SLC13A3: variants seen among roughly 807,000 people sequenced by gnomAD.
SLC13A3 encodes solute carrier family 13 member 3, also known as Na(+)/dicarboxylate cotransporter 3.
A neutral mutation model predicts 59.0 loss-of-function variants in SLC13A3; 40 were observed. That is an observed-to-expected ratio of 0.68 (90% CI 0.53 to 0.88). SLC13A3 has a LOEUF of 0.88. Ranked by LOEUF, SLC13A3 falls within the 40% of genes least tolerant of loss-of-function variation. SLC13A3 has a pLI of 0.00. For missense variants in SLC13A3, 699 were observed against 783.2 expected, an observed-to-expected ratio of 0.89 and a Z score of 1.28; for synonymous variants, 317 against 330.3, an observed-to-expected ratio of 0.96 and a Z score of 0.44.
At chr20:46,562,076 C>T (rs185064092) in intron 12 of SLC13A3, among the ~76,000 whole-genome samples, 35 of 152,250 alleles carry the variant, frequency 2.3e-4, no homozygotes, top group Admixed American at 2.3e-3. Context: ...GTTTGCATTG[C>T]TGCCCTCTCA....
intron 9 of SLC13A3, among the ~76,000 whole-genome samples, chr20:46,580,301 A>C (rs1299153303): frequency 1.3e-5 from 2 of 152,046 alleles, no homozygotes; most frequent in Admixed American, 6.6e-5. Flanking sequence ...CCTTTGTATA[A>C]TAAGGAAACT....
chr20:46,616,546 G>C (rs557895218), intron 1 of SLC13A3, among the ~76,000 whole-genome samples: 60 of 152,274 alleles, frequency 3.9e-4, no homozygotes, highest in African/African-American at 1.3e-3. Context: ...GAACCCCAAA[G>C]CTCCCCCAAC....
chr20:46,649,161 A>G (rs1291472857), intron 1 of SLC13A3, among the ~76,000 whole-genome samples: 1 of 152,138 alleles, frequency 6.6e-6, no homozygotes, highest in African/African-American at 2.4e-5. Context: ...ACATGGTAAG[A>G]GCTAAGCACT....
In SLC13A3 at chr20:46,679,726, G is replaced by A. The variant is rs114874611; in HGVS notation, c.-31+4670C>T. Among the ~76,000 whole-genome samples, 1,446 of 152,220 alleles carry A rather than the reference G, an allele frequency of 9.5e-3. 23 individuals carry two copies. Among genetic ancestry groups the A allele is most frequent in the African/African-American group, 0.033 (1,366 of 41,528 alleles). On this transcript the variant is annotated intron_variant, in intron 1 of 6. Coordinates refer to the SLC13A3 transcript ENST00000372121. ...CTTTGAGACCAGCTTGGCCAATATG[G>A]TGATATCCCCGTCTTCACTAAAAAT...
chr20:46,651,065 A>T (rs1200571842), intron 1 of SLC13A3, among the ~76,000 whole-genome samples: 2 of 152,130 alleles, frequency 1.3e-5, no homozygotes, highest in Non-Finnish European at 2.9e-5. Context: ...AACGAAACGA[A>T]ATTATTCCCA....
chr20:46,600,020 C>T lies in SLC13A3; in HGVS notation c.559G>A (p.Gly187Ser), dbSNP rs757716165. 5 of 1,574,132 alleles carry T rather than the reference C, an allele frequency of 3.2e-6. No individual in the cohort carries two copies. The highest frequency in any genetic ancestry group is 1.2e-5 in the South Asian group (1 of 86,032). Residue 187 changes from glycine to serine, a missense_variant, in exon 4 of 13, where the codon GGC becomes AGC. Coordinates refer to ENST00000279027, the MANE Select transcript of SLC13A3 (RefSeq NM_022829.6). ...ATCTCCGTGGGCACAGTGTGTAGGC[C>T]GTTTCTCCGCACAGCAGCTAGGAGG... Reference protein sequence around the residue: ...EENTAAVRRNGLHTVPTEMQF... With the variant: ...EENTAAVRRNSLHTVPTEMQF...
chr20:46,568,699 C>T (rs1052031275), intron 10 of SLC13A3, among the ~76,000 whole-genome samples: 12 of 152,126 alleles, frequency 7.9e-5, no homozygotes, highest in African/African-American at 2.9e-4. Context: ...TCCCATAGGC[C>T]ACAGCTCTGG....
At chr20:46,640,544 C>T (rs73115522) in intron 1 of SLC13A3, among the ~76,000 whole-genome samples, 1,561 of 152,268 alleles carry the variant, frequency 0.01, 19 homozygotes, top group Non-Finnish European at 0.013. Flanking sequence ...CAGATAATAG[C>T]AACAGCAGCA....
intron 1 of SLC13A3, among the ~76,000 whole-genome samples, chr20:46,662,051 A>C (rs1256851059): frequency 6.6e-6 from 1 of 152,152 alleles, no homozygotes; most frequent in Non-Finnish European, 1.5e-5. Flanking sequence ...CATGTTATTG[A>C]AAATTTAGCT....
At chr20:46,651,511 G>T, upstream of SLC13A3, 1 of 1,343,044 alleles carries the variant, frequency 7.4e-7, no homozygotes, top group South Asian at 1.9e-5. Context: ...GTCGGGGAGG[G>T]GACTGCGCTG....
chr20:46,644,197 G>A (rs1356135335), intron 1 of SLC13A3, among the ~76,000 whole-genome samples: 1 of 152,062 alleles, frequency 6.6e-6, no homozygotes. Context: ...CTTTTTGTGG[G>A]GGTTAAACTA....
At chr20:46,646,651 T>G (rs1435799819) in intron 1 of SLC13A3, among the ~76,000 whole-genome samples, 1 of 152,180 alleles carries the variant, frequency 6.6e-6, no homozygotes, top group African/African-American at 2.4e-5. Flanking sequence ...CTAAAGCCCA[T>G]GTTCTCTCCA....
chr20:46,652,869 C>T (rs1246051844), upstream of SLC13A3, among the ~76,000 whole-genome samples: 1 of 152,204 alleles, frequency 6.6e-6, no homozygotes, highest in Non-Finnish European at 1.5e-5. Flanking sequence ...CTTCCATCAA[C>T]AATGTATGAA....
intron 1 of SLC13A3, among the ~76,000 whole-genome samples, chr20:46,647,889 T>C (rs1390877530): frequency 6.6e-6 from 1 of 152,180 alleles, no homozygotes; most frequent in African/African-American, 2.4e-5. Flanking sequence ...TAACTGAACA[T>C]CTCCAACTTC....
chr20:46,674,602 C>CGTGTGTGT (rs142752461), upstream of SLC13A3, among the ~76,000 whole-genome samples: 11,185 of 113,610 alleles, frequency 0.098, 487 homozygotes, highest in Non-Finnish European at 0.13. Context: ...CGCGCGCGCG[C>CGTGTGTGT]GCGTGTGTGT....
In SLC13A3 at chr20:46,589,173, G is replaced by C. The variant is rs763463176; in HGVS notation, c.1003C>G (p.Leu335Val). Residue 335 changes from leucine to valine, a missense_variant, in exon 7 of 13, where the codon CTG becomes GTG. Physicochemically the swap from Leu to Val is conservative, Grantham distance 32. Coordinates refer to ENST00000279027, the MANE Select transcript of SLC13A3 (RefSeq NM_022829.6). ...RAVIREEYQNLGPIKFAEQAV... is the reference protein window; with the variant it reads ...RAVIREEYQNVGPIKFAEQAV... ...GCCCCCACATACTTGATGGGCCCCAGGTTCTGGTATTCTTCCCGAATTACA... is the reference window on the plus strand; with the variant it reads ...GCCCCCACATACTTGATGGGCCCCACGTTCTGGTATTCTTCCCGAATTACA... The C allele has an allele frequency of 2.5e-6, 4 of 1,614,126 alleles. No homozygotes were observed. The South Asian group carries it at 3.3e-5, about 13-fold the overall frequency.
intron 1 of SLC13A3, among the ~76,000 whole-genome samples, chr20:46,629,037 T>C (rs2062708834): frequency 6.6e-6 from 1 of 152,216 alleles, no homozygotes; most frequent in Non-Finnish European, 1.5e-5. Context: ...CAAATGTCTG[T>C]GAAAGCATTT....
rs754179835 is a variant in SLC13A3, at chr20:46,563,405, C to G, written c.1632+9G>C. On this transcript the variant is annotated intron_variant, in intron 12 of 12. Transcript: ENST00000279027. ...CCCGGGGCCTCTGCTGGGAAATGCC[C>G]AGACTCACCATGTCTTTGACCAGCA... 6.2e-7 allele frequency: 1 copy of G among 1,612,644 alleles called. No homozygotes were observed. Among genetic ancestry groups the G allele is most frequent in the East Asian group, 2.2e-5 (1 of 44,830 alleles).
At position 46,566,369 on chromosome 20, in the gene SLC13A3, T is replaced by C; in HGVS notation, c.1354A>G (p.Ile452Val). Residue 452 changes from isoleucine to valine, a missense_variant, in exon 11 of 13, where the codon ATT (isoleucine) becomes GTT (valine). Coordinates refer to ENST00000279027, the MANE Select transcript of SLC13A3 (RefSeq NM_022829.6). ...TCCAGGGGGTGCAGCTGCCCACCAA[T>C]CCATACAGACAGCCCCGATTCCTGC... Reference protein sequence around the residue: ...GCEESGLSVWIGGQLHPLENV... With the variant: ...GCEESGLSVWVGGQLHPLENV... The C allele has an allele frequency of 6.2e-7, 1 of 1,612,902 alleles. No individual in the cohort carries two copies. The highest frequency in any genetic ancestry group is 8.5e-7 in the Non-Finnish European group (1 of 1,179,220).
Sources: allele counts gnomAD v4.1 joint callset (sites outside exome capture counted in the v4.1 genomes callset), GRCh38; gene constraint gnomAD v4.1.1; transcripts MANE v1.5; gene names NCBI Gene and HGNC (gene_info 2026-07-23, HGNC 2026-07-21).